Variants in ALMS1 observed in about 807,000 individuals in gnomAD.
ALMS1 encodes ALMS1 centrosome and basal body associated protein, also known as centrosome-associated protein ALMS1.
A neutral mutation model predicts 352.2 loss-of-function variants in ALMS1; 271 were observed. The observed-to-expected ratio is 0.77, with a 90% CI of 0.70 to 0.85. The LOEUF is 0.85. Among genes scored for constraint, ALMS1 ranks in the 40% least tolerant of loss-of-function variants. The pLI, the probability that ALMS1 is intolerant of heterozygous loss-of-function variation, is 0.00. For synonymous variants in ALMS1, 1,865 were observed against 1,761.2 expected, an observed-to-expected ratio of 1.06 and a Z score of -1.48; for missense variants, 5,445 against 4,870.7, an observed-to-expected ratio of 1.12 and a Z score of -3.51.
Position 73,557,235 on chromosome 2 carries a change from T to C in ALMS1, c.10094T>C (p.Val3365Ala). The C allele has an allele frequency of 6.2e-7, 1 of 1,614,122 alleles. No homozygotes were observed. The highest frequency in any genetic ancestry group is 8.5e-7 in the Non-Finnish European group (1 of 1,180,020). Residue 3365 changes from valine to alanine, a missense_variant, in exon 14 of 23, where the codon GTG becomes GCG. By Grantham distance (64) the Val-to-Ala change is moderately conservative. Transcript: ENST00000613296. ...GTTATTCCAGATGCCTCAGTTCAAG[T>C]GCTAATCACTGGGGATGAGAACCTC... The part of the protein sequence containing the change: ...QNENADASVQ[V>A]LITGDENLSD...
At chr2:73,387,722 A>G (rs927777593) in intron 1 of ALMS1, among the ~76,000 whole-genome samples, 1 of 152,206 alleles carries the variant, frequency 6.6e-6, no homozygotes, top group Non-Finnish European at 1.5e-5. Context: ...TGTTTCAGAA[A>G]GGTCAGGTGT....
At chr2:73,576,989 A>G (rs1675068430) in intron 16 of ALMS1, among the ~76,000 whole-genome samples, 1 of 152,146 alleles carries the variant, frequency 6.6e-6, no homozygotes, top group Non-Finnish European at 1.5e-5. Context: ...AACCAACTTT[A>G]CATTCCTGAG....
chr2:73,519,957 C>A lies in ALMS1; in HGVS notation c.9722C>A (p.Pro3241His), dbSNP rs770579229. 14 of 1,613,962 alleles carry A rather than the reference C, an allele frequency of 8.7e-6. No individual in the cohort carries two copies. Among genetic ancestry groups the A allele is most frequent in the African/African-American group, 1.3e-5 (1 of 74,916 alleles). ...EPGNQKLRKA[P>H]VKFASSSSVQ... is the part of the protein sequence containing the mutation. ...GGTAACCAGAAGCTACGCAAAGCTCCTGTCAAGTTTGCCTCATCATCTTCA... is the reference window on the plus strand; with the variant it reads ...GGTAACCAGAAGCTACGCAAAGCTCATGTCAAGTTTGCCTCATCATCTTCA... The change falls in exon 11 of 23, where the codon CCT (proline) becomes CAT (histidine). Residue 3241 changes from proline to histidine, a missense_variant. Pro to His is a moderately conservative substitution (Grantham distance 77). Coordinates refer to ENST00000613296, the MANE Select transcript of ALMS1 (RefSeq NM_001378454.1).
intron 9 of ALMS1, among the ~76,000 whole-genome samples, chr2:73,485,189 T>C (rs201986930): frequency 2.2e-3 from 283 of 129,842 alleles, no homozygotes; most frequent in South Asian, 4.8e-3. Flanking sequence ...CTCTGTTTTT[T>C]CCCCATCTTT....
chr2:73,450,843 A>G lies in ALMS1; in HGVS notation c.4316A>G (p.Tyr1439Cys), dbSNP rs201971114. 2 of 1,614,084 alleles carry G rather than the reference A, an allele frequency of 1.2e-6. No individual in the cohort carries two copies. The highest frequency in any genetic ancestry group is 1.6e-4 in the Middle Eastern group (1 of 6,062). ...YSHTEKPGSF[Y>C]QQVLPHSHLP... ...CACACAGAGAAGCCTGGTAGTTTCT[A>G]CCAACAGGTCTTGCCACATAGTCAT... The change falls in exon 8 of 23, where the codon TAC (tyrosine) becomes TGC (cysteine). Residue 1439 changes from tyrosine (Y) to cysteine (C), a missense_variant. Transcript: ENST00000613296.
At position 73,408,624 on chromosome 2, in the gene ALMS1, T is replaced by TGG; in HGVS notation, c.328_329insGG (p.Val110GlyfsTer4). The TGG allele has an allele frequency of 6.2e-7, 1 of 1,612,978 alleles. No individual in the cohort carries two copies. Among genetic ancestry groups the TGG allele is most frequent in the Non-Finnish European group, 8.5e-7 (1 of 1,179,318 alleles). ...TTAAGCCTGCTTTTGATTTTCAGAT[T>TGG]GTTCCATTGACCTGTCATGTATGGC... On this transcript the variant is annotated frameshift_variant, in exon 2 of 23. Transcript: ENST00000613296. LOFTEE classifies it high-confidence loss of function.
intron 3 of ALMS1, 22 bp downstream of exon 3, chr2:73,419,340 TA>T: frequency 6.2e-7 from 1 of 1,604,448 alleles, no homozygotes; most frequent in Non-Finnish European, 8.5e-7. Flanking sequence ...TTATTTTAAC[TA>T]GTAGTAATAC....
chr2:73,451,809 A>T lies in ALMS1; in HGVS notation c.5282A>T (p.His1761Leu), dbSNP rs760251120. The change falls in exon 8 of 23, where the codon CAT becomes CTT. Residue 1761 changes from histidine (H) to leucine (L), a missense_variant. Physicochemically the swap from His to Leu is moderately conservative, Grantham distance 99. Transcript: ENST00000613296. Reference sequence around the variant, plus strand: ...ACTGTAACTTCCTCTTTCTATTCACATACAGAGAAGCCTAATATTTCTTAC... The same window carrying T: ...ACTGTAACTTCCTCTTTCTATTCACTTACAGAGAAGCCTAATATTTCTTAC... ...LSTVTSSFYS[H>L]TEKPNISYQQ... 53 of 1,613,940 alleles carry T rather than the reference A, an allele frequency of 3.3e-5. No homozygotes were observed. The highest frequency in any genetic ancestry group is 4.4e-5 in the Non-Finnish European group (52 of 1,180,002).
At chr2:73,408,551 T>C in intron 1 of ALMS1, 71 bp from the exon 2 acceptor site, 2 of 1,512,770 alleles carry the variant, frequency 1.3e-6, no homozygotes, top group Non-Finnish European at 1.8e-6. Context: ...GGTCTAAATA[T>C]TAGTTTATTT....
At chr2:73,553,938 A>G (rs1214305060) in intron 13 of ALMS1, among the ~76,000 whole-genome samples, 1 of 152,206 alleles carries the variant, frequency 6.6e-6, no homozygotes, top group Non-Finnish European at 1.5e-5. Context: ...ATATGGTAGT[A>G]TAAAGCATGT....
At chr2:73,544,982 T>C (rs568741299) in intron 12 of ALMS1, among the ~76,000 whole-genome samples, 2 of 152,142 alleles carry the variant, frequency 1.3e-5, no homozygotes, top group South Asian at 4.2e-4. Context: ...AAAAGTCAGA[T>C]TCATGGAGAC....
intron 10 of ALMS1, among the ~76,000 whole-genome samples, chr2:73,507,779 A>G (rs908608382): frequency 3.3e-5 from 5 of 151,918 alleles, no homozygotes; most frequent in African/African-American, 4.8e-5. Flanking sequence ...TATTTCCTTC[A>G]GTTCTGCTCT....
chr2:73,600,887 T>C lies in ALMS1; in HGVS notation c.11872+6T>C. 1 of 1,612,590 alleles carries C rather than the reference T, an allele frequency of 6.2e-7. No homozygotes were observed. Among genetic ancestry groups the C allele is most frequent in the Non-Finnish European group, 8.5e-7 (1 of 1,178,994 alleles). ...CAAGAAGAATTCCCATGAAGGTCAG[T>C]TTCTCATTCCAGATCTTGTAGTAGA... On this transcript the variant is annotated splice_donor_region_variant and intron_variant, in intron 18 of 22. Coordinates refer to ENST00000613296, the MANE Select transcript of ALMS1 (RefSeq NM_001378454.1).
intron 10 of ALMS1, 81 bp downstream of exon 10, chr2:73,491,579 TGG>T: frequency 6.8e-7 from 1 of 1,464,416 alleles, no homozygotes; most frequent in South Asian, 1.2e-5. Context: ...TATCGGTTCT[TGG>T]GGGAAAGGCC....
At chr2:73,400,334 T>A (rs1670850173) in intron 1 of ALMS1, among the ~76,000 whole-genome samples, 1 of 152,234 alleles carries the variant, frequency 6.6e-6, no homozygotes, top group South Asian at 2.1e-4. Context: ...CATTGTTAAA[T>A]TTGATTTGCT....
In ALMS1 at chr2:73,397,007, A is replaced by G. The variant is rs576497939; in HGVS notation, c.324+10815A>G. Among the ~76,000 whole-genome samples the G allele has an allele frequency of 6.2e-4, 95 of 152,230 alleles. No homozygotes were observed. In the South Asian group the frequency reaches 0.017, roughly 27 times the overall value. On this transcript the variant is annotated intron_variant, in intron 1 of 22. Coordinates refer to ENST00000613296, the MANE Select transcript of ALMS1 (RefSeq NM_001378454.1). ...CTAAGAAGAACAAAATACTCTGGGA[A>G]TATTCAAAATGGTTATCCCCAACCC...
chr2:73,441,027 A>C (rs1171996280), intron 7 of ALMS1, among the ~76,000 whole-genome samples: 1 of 152,106 alleles, frequency 6.6e-6, no homozygotes, highest in Non-Finnish European at 1.5e-5. Flanking sequence ...GGTCTTCCTC[A>C]AGGCCTGCTG....
Position 73,424,686 on chromosome 2 carries a change from GA to G in ALMS1, c.1022del (p.Asp341ValfsTer21). The G allele has an allele frequency of 6.2e-7, 1 of 1,614,048 alleles. No homozygotes were observed. Among genetic ancestry groups the G allele is most frequent in the South Asian group, 1.1e-5 (1 of 91,068 alleles). On this transcript the variant is annotated frameshift_variant, in exon 5 of 23. Transcript: ENST00000613296. LOFTEE classifies it high-confidence loss of function. ...TCCCAAAGACTGTGATCGTTATGAT[GA>G]TCTTTGTTCATATATGTCATGGAAG... is the stretch of plus-strand genomic sequence containing the variant. ...KIPKDCDRYD[D>X]LCSYMSWKTR...
intron 12 of ALMS1, among the ~76,000 whole-genome samples, chr2:73,539,318 A>C (rs1674107408): frequency 6.6e-6 from 1 of 152,230 alleles, no homozygotes; most frequent in South Asian, 2.1e-4. Flanking sequence ...CCTGCAGCTG[A>C]GGGTCCTGAC....
Sources: gnomAD v4.1 joint callset for allele counts (sites outside exome capture counted in the v4.1 genomes callset) on GRCh38, gnomAD v4.1.1 for gene constraint, MANE v1.5 for transcripts, NCBI Gene and HGNC (gene_info 2026-07-23, HGNC 2026-07-21) for gene names.